Variants in POU6F2 observed in about 807,000 individuals in gnomAD.
The protein encoded by POU6F2 is POU domain, class 6, transcription factor 2.
In POU6F2, 31 loss-of-function variants were observed where a neutral mutation model predicts 71.3. The observed-to-expected ratio is 0.43, with a 90% CI of 0.33 to 0.59. POU6F2 has a LOEUF of 0.59. Ranked by LOEUF, POU6F2 falls within the 20% of genes least tolerant of loss-of-function variation. POU6F2 has a pLI of 0.04. For synonymous variants in POU6F2, 347 were observed against 355.7 expected (o/e 0.98, Z 0.27); for missense variants, 783 against 856.8 (o/e 0.91, Z 1.07).
intron 2 of POU6F2, among the ~76,000 whole-genome samples, chr7:39,189,325 G>A (rs994485977): frequency 1.3e-5 from 2 of 152,178 alleles, no homozygotes; most frequent in Non-Finnish European, 2.9e-5. Context: ...TGATATGAGT[G>A]CAAAGTGTTC....
intron 4 of POU6F2, among the ~76,000 whole-genome samples, chr7:39,239,352 G>A (rs938856251): frequency 1.1e-4 from 16 of 152,036 alleles, no homozygotes; most frequent in African/African-American, 3.6e-4. Context: ...TCTGAAAAGC[G>A]AAGGTGTTTT....
chr7:39,207,790 C>G (rs966492053), intron 4 of POU6F2, among the ~76,000 whole-genome samples, 170 bp downstream of exon 4: 3 of 152,212 alleles, frequency 2.0e-5, no homozygotes, highest in African/African-American at 7.2e-5. Flanking sequence ...GTCTGTGAAT[C>G]CTGAGCCTGC....
chr7:39,441,778 A>G (rs1267348201), intron 7 of POU6F2, among the ~76,000 whole-genome samples: 1 of 152,208 alleles, frequency 6.6e-6, no homozygotes, highest in Non-Finnish European at 1.5e-5. Flanking sequence ...TGAGTTAAGA[A>G]GTAAGAGGTG....
intron 1 of POU6F2, chr7:39,034,502 C>T: frequency 2.3e-6 from 1 of 430,298 alleles, no homozygotes; most frequent in South Asian, 1.6e-5. Flanking sequence ...GTAAGTAGCT[C>T]CTGTCTCTTG....
intron 1 of POU6F2, among the ~76,000 whole-genome samples, chr7:39,004,860 T>G (rs859549): frequency 0.2 from 30,126 of 152,020 alleles, 3,238 homozygotes; most frequent in Middle Eastern, 0.27. Flanking sequence ...GCCGCCCTGA[T>G]TTGCTATAGG....
intron 5 of POU6F2, among the ~76,000 whole-genome samples, chr7:39,357,269 A>G (rs1201013594): frequency 3.3e-5 from 5 of 152,374 alleles, no homozygotes; most frequent in African/African-American, 1.2e-4. Flanking sequence ...ATCTCCCAGT[A>G]TGAAAACAAG....
intron 1 of POU6F2, among the ~76,000 whole-genome samples, chr7:39,010,889 T>C (rs1789260313): frequency 6.6e-6 from 1 of 151,866 alleles, no homozygotes; most frequent in Admixed American, 6.6e-5. Context: ...GTCTGAGAGA[T>C]AGTTTGTTAT....
At chr7:39,380,847 G>A (rs888475778) in intron 5 of POU6F2, among the ~76,000 whole-genome samples, 2 of 152,054 alleles carry the variant, frequency 1.3e-5, no homozygotes, top group African/African-American at 2.4e-5. Flanking sequence ...CTGCTTCCTC[G>A]TGTCGTGTGC....
At chr7:39,203,394 GAAATTCTCA>G (rs1419684254) in intron 2 of POU6F2, among the ~76,000 whole-genome samples, 1 of 152,202 alleles carries the variant, frequency 6.6e-6, no homozygotes, top group Admixed American at 6.5e-5. Flanking sequence ...CTACCAAGTA[GAAATTCTCA>G]AAAATTGCCA....
intron 4 of POU6F2, among the ~76,000 whole-genome samples, chr7:39,235,063 ACT>A (rs2128750562): frequency 6.6e-6 from 1 of 152,088 alleles, no homozygotes; most frequent in South Asian, 2.1e-4. Flanking sequence ...AGGATGCTAA[ACT>A]CTACACCACC....
rs528753592 is a variant in POU6F2, at chr7:39,026,493, G to C, written c.105+48435G>C. ...GAAATCATCATTCTCAGTAAACTATGGCAAGGACAAAAAACCAAACACCGC... is the reference window on the plus strand; with the variant it reads ...GAAATCATCATTCTCAGTAAACTATCGCAAGGACAAAAAACCAAACACCGC... On this transcript the variant is annotated intron_variant, in intron 1 of 9. Coordinates refer to ENST00000518318, the MANE Select transcript of POU6F2 (RefSeq NM_001370959.1). 9.8e-3 allele frequency among the ~76,000 whole-genome samples: 1,490 copies of C among 152,010 alleles called. 19 individuals are homozygous for C. Among genetic ancestry groups the C allele is most frequent in the African/African-American group, 0.032 (1,318 of 41,444 alleles).
chr7:39,079,180 C>CT (rs1162865518), intron 1 of POU6F2, among the ~76,000 whole-genome samples: 21,266 of 79,216 alleles, frequency 0.27, 3,637 homozygotes, highest in South Asian at 0.36. Context: ...CTCACAATAT[C>CT]TTTTTTTTTT....
rs141452771 is a variant in POU6F2, at chr7:39,076,070, C to T, written c.106-9790C>T. The stretch of plus-strand genomic sequence containing the variant: ...GTAAGATAGCTGGGTGAGGCCTCGG[C>T]TTCATATTATGTAGTTTCAGACACA... On this transcript the variant is annotated intron_variant, in intron 1 of 9. Coordinates refer to ENST00000518318, the MANE Select transcript of POU6F2 (RefSeq NM_001370959.1). Among the ~76,000 whole-genome samples, 354 of 152,258 alleles carry T rather than the reference C, an allele frequency of 2.3e-3. 3 individuals are homozygous for T. Among genetic ancestry groups the T allele is most frequent in the African/African-American group, 8.0e-3 (333 of 41,552 alleles).
chr7:39,264,848 C>T (rs1784211108), intron 4 of POU6F2, among the ~76,000 whole-genome samples: 1 of 151,970 alleles, frequency 6.6e-6, no homozygotes, highest in Non-Finnish European at 1.5e-5. Context: ...AATATATATA[C>T]TCCCTGCATA....
At position 39,411,321 on chromosome 7, in the gene POU6F2, C is replaced by G. The variant is rs73127520; in HGVS notation, c.1113+4581C>G. On this transcript the variant is annotated intron_variant, in intron 6 of 9. Coordinates refer to ENST00000518318, the MANE Select transcript of POU6F2 (RefSeq NM_001370959.1). ...TTGTTCAGCTATAGAATTGGCTTCC[C>G]TGGTGCCCCTGGCAATATCTCCTTA... Among the ~76,000 whole-genome samples the G allele has an allele frequency of 6.9e-3, 1,056 of 152,312 alleles. 6 individuals are homozygous for G. The highest frequency in any genetic ancestry group is 0.012 in the Non-Finnish European group (838 of 68,028).
At position 39,422,633 on chromosome 7, in the gene POU6F2, G is replaced by A. The variant is rs372425861; in HGVS notation, c.1114-10444G>A. Reference sequence around the variant, plus strand: ...AAGATGTGCAGAGGTTATGACTGTGGTGCGGCCACTGAGGAGGAGAATTGT... The same window carrying A: ...AAGATGTGCAGAGGTTATGACTGTGATGCGGCCACTGAGGAGGAGAATTGT... On this transcript the variant is annotated intron_variant, in intron 6 of 9. Coordinates refer to ENST00000518318, the MANE Select transcript of POU6F2 (RefSeq NM_001370959.1). 9.8e-5 allele frequency among the ~76,000 whole-genome samples: 15 copies of A among 152,292 alleles called. No homozygotes were observed. The South Asian group carries it at 2.9e-3, about 29-fold the overall frequency.
At position 39,230,326 on chromosome 7, in the gene POU6F2, A is replaced by G. The variant is rs567806409; in HGVS notation, c.598+22706A>G. The stretch of plus-strand genomic sequence containing the variant: ...AGACCCTGTCTCTACCAAAAATTAA[A>G]AAAAAAAATTTAGCTGGGTGTAGTG... On this transcript the variant is annotated intron_variant, in intron 4 of 9. Coordinates refer to ENST00000518318, the MANE Select transcript of POU6F2 (RefSeq NM_001370959.1). Among the ~76,000 whole-genome samples, 78 of 152,226 alleles carry G rather than the reference A, an allele frequency of 5.1e-4. 1 individual carries two copies. In the South Asian group the frequency reaches 0.015, roughly 28 times the overall value.
At chr7:39,212,535 G>A (rs563517520) in intron 4 of POU6F2, among the ~76,000 whole-genome samples, 1 of 152,200 alleles carries the variant, frequency 6.6e-6, no homozygotes, top group South Asian at 2.1e-4. Context: ...ACCTTGCCTT[G>A]AGTGCCCCTT....
At chr7:39,090,816 C>T (rs929207515) in intron 2 of POU6F2, among the ~76,000 whole-genome samples, 2 of 151,916 alleles carry the variant, frequency 1.3e-5, no homozygotes, top group African/African-American at 4.8e-5. Flanking sequence ...TAGATTTATG[C>T]AAAAACTGTT....
Sources: allele counts gnomAD v4.1 joint callset (sites outside exome capture counted in the v4.1 genomes callset), GRCh38; gene constraint gnomAD v4.1.1; transcripts MANE v1.5; gene names NCBI Gene and HGNC (gene_info 2026-07-23, HGNC 2026-07-21).